The following ANKIB1 variants were observed in gnomAD, a reference collection of about 807,000 sequenced individuals.
ANKIB1 encodes the protein ankyrin repeat and IBR domain-containing protein 1.
In ANKIB1, 43 loss-of-function variants were observed where a neutral mutation model predicts 122.1. That is an observed-to-expected ratio of 0.35 (90% CI 0.28 to 0.45). The LOEUF (loss-of-function observed/expected upper bound fraction) is 0.45. Ranked by LOEUF, ANKIB1 falls within the 20% of genes least tolerant of loss-of-function variation. The probability of loss-of-function intolerance (pLI) is 1.00; values close to 1 mark genes in which losing one functional copy is unlikely to be tolerated. For synonymous variants in ANKIB1, 390 were observed against 442.0 expected (o/e 0.88, Z 1.48); for missense variants, 992 against 1,329.5 (o/e 0.75, Z 3.95).
At chr7:92,390,836 T>A (rs1352900617) in intron 15 of ANKIB1, among the ~76,000 whole-genome samples, 5 of 152,190 alleles carry the variant, frequency 3.3e-5, no homozygotes, top group Non-Finnish European at 7.3e-5. Flanking sequence ...TGTATTAGTT[T>A]TTTTCACATA....
At chr7:92,375,088 A>G (rs1804352090) in intron 11 of ANKIB1, among the ~76,000 whole-genome samples, 1 of 152,154 alleles carries the variant, frequency 6.6e-6, no homozygotes, top group Admixed American at 6.5e-5. Context: ...AGCATAATGC[A>G]TTTTTTAAAG....
Position 92,350,758 on chromosome 7 carries a change from G to A in ANKIB1, c.1086-192G>A, listed in dbSNP as rs373179798. Among the ~76,000 whole-genome samples, 6 of 152,084 alleles carry A rather than the reference G, an allele frequency of 3.9e-5. 1 individual carries two copies. In the South Asian group the frequency reaches 1.0e-3, roughly 26 times the overall value. On this transcript the variant is annotated intron_variant, in intron 7 of 19. Coordinates refer to ENST00000265742, the MANE Select transcript of ANKIB1 (RefSeq NM_019004.2). ...TGTAGGCCTAGCTACTCAGAAGACC[G>A]AGGTGAGAGGATTGCTTCAGCCCAA... is the stretch of plus-strand genomic sequence containing the variant.
chr7:92,291,763 A>G (rs1011397807), intron 1 of ANKIB1, among the ~76,000 whole-genome samples: 19 of 151,870 alleles, frequency 1.3e-4, no homozygotes, highest in African/African-American at 1.9e-4. Context: ...TTTTTAGTAG[A>G]GACGGGGTTT....
At chr7:92,266,388 A>G (rs1801672117) in intron 1 of ANKIB1, among the ~76,000 whole-genome samples, 1 of 152,156 alleles carries the variant, frequency 6.6e-6, no homozygotes, top group Admixed American at 6.5e-5. Flanking sequence ...GAATATGTAT[A>G]TATATGTAGC....
At chr7:92,269,019 CCA>C (rs1801730950) in intron 1 of ANKIB1, among the ~76,000 whole-genome samples, 2 of 152,290 alleles carry the variant, frequency 1.3e-5, no homozygotes, top group South Asian at 4.1e-4. Context: ...TGGCAGTAGG[CCA>C]CAGTGTTTTC....
intron 7 of ANKIB1, among the ~76,000 whole-genome samples, chr7:92,349,436 CTGT>C (rs1002392119): frequency 8.6e-5 from 13 of 152,008 alleles, no homozygotes; most frequent in Non-Finnish European, 1.8e-4. Context: ...GTCGTTGCTG[CTGT>C]TGTTGTTGTT....
chr7:92,291,217 T>G (rs1303189762), intron 1 of ANKIB1, among the ~76,000 whole-genome samples: 3 of 151,782 alleles, frequency 2.0e-5, no homozygotes, highest in African/African-American at 4.8e-5. Flanking sequence ...TCGGTTGAAC[T>G]TGGGAGGCGG....
intron 1 of ANKIB1, among the ~76,000 whole-genome samples, chr7:92,252,599 A>G (rs1183082002): frequency 6.6e-6 from 1 of 151,838 alleles, no homozygotes; most frequent in East Asian, 1.9e-4. Context: ...TTTCTCTCTT[A>G]TGTATTAAAA....
chr7:92,388,135 A>T, intron 14 of ANKIB1, 94 bp downstream of exon 14: 3 of 1,162,654 alleles, frequency 2.6e-6, no homozygotes, highest in Non-Finnish European at 3.7e-6. Context: ...GGAATACATT[A>T]TGTTCATTAG....
chr7:92,318,049 G>A lies in ANKIB1; in HGVS notation c.487-1281G>A, dbSNP rs544039796. 5.9e-5 allele frequency among the ~76,000 whole-genome samples: 9 copies of A among 152,228 alleles called. No homozygotes were observed. The South Asian group carries it at 1.5e-3, about 25-fold the overall frequency. On this transcript the variant is annotated intron_variant, in intron 3 of 19. Transcript: ENST00000265742. Reference sequence around the variant, plus strand: ...CTTGTATCTGAATCCCAGTTCTACTGCTTACTAGCTGGGTAATTTTAGTTA... The same window carrying A: ...CTTGTATCTGAATCCCAGTTCTACTACTTACTAGCTGGGTAATTTTAGTTA...
At chr7:92,308,605 A>G (rs1802616816) in intron 3 of ANKIB1, among the ~76,000 whole-genome samples, 2 of 152,132 alleles carry the variant, frequency 1.3e-5, no homozygotes, top group Non-Finnish European at 2.9e-5. Context: ...ATTTTTCCAT[A>G]TATATTTCAT....
Position 92,246,265 on chromosome 7 carries a change from A to G in ANKIB1, c.-345A>G. ...GGCCGGAGAGGGATGGGGGGCGCCCACCCAGTCTGAGCCTCGCCGCGGGCG... is the reference window on the plus strand; with the variant it reads ...GGCCGGAGAGGGATGGGGGGCGCCCGCCCAGTCTGAGCCTCGCCGCGGGCG... On this transcript the variant is annotated 5_prime_UTR_variant, in exon 1 of 20. Transcript: ENST00000265742. 2.5e-6 allele frequency: 1 copy of G among 393,762 alleles called. No homozygotes were observed. The highest frequency in any genetic ancestry group is 4.9e-6 in the Non-Finnish European group (1 of 204,736). The allele number at this position is 393,762 out of a possible 1,614,324, so 24.4% of individuals were successfully genotyped here.
rs887308221 is a variant in ANKIB1, at chr7:92,328,000, T to C, written c.787+100T>C. On this transcript the variant is annotated intron_variant, in intron 5 of 19. Coordinates refer to ENST00000265742, the MANE Select transcript of ANKIB1 (RefSeq NM_019004.2). ...TTTTGTATTTGAATACAGAACAAAA[T>C]GGTTTGTTAAAAAAGCCTAAGTTGT... 9.3e-6 allele frequency: 7 copies of C among 753,340 alleles called. No homozygotes were observed. The African/African-American group carries it at 1.1e-4, about 12-fold the overall frequency. The allele number at this position is 753,340 out of a possible 1,614,324, so 46.7% of individuals were successfully genotyped here. A position where few individuals can be genotyped will look rare whatever the true frequency, so the allele number is the denominator to read the frequency against.
chr7:92,333,993 A>G (rs1803234579), intron 5 of ANKIB1, among the ~76,000 whole-genome samples: 1 of 152,186 alleles, frequency 6.6e-6, no homozygotes, highest in African/African-American at 2.4e-5. Flanking sequence ...AAAGGTCTTC[A>G]CATAACATGC....
At chr7:92,292,139 A>C (rs1488403709) in intron 1 of ANKIB1, among the ~76,000 whole-genome samples, 1 of 152,228 alleles carries the variant, frequency 6.6e-6, no homozygotes, top group Non-Finnish European at 1.5e-5. Flanking sequence ...GCTAGGGAAA[A>C]GTAAAAGGAT....
rs995349066 is a variant in ANKIB1 at position 92,307,661 on chromosome 7, A to T, written c.486+5A>T. On this transcript the variant is annotated splice_donor_5th_base_variant and intron_variant, in intron 3 of 19. Coordinates refer to ENST00000265742, the MANE Select transcript of ANKIB1 (RefSeq NM_019004.2). ...GGGATGAAAGCCTGTGTAGAGGTAAATTTTTTTTTTTTTTAATATTCTGCA... is the reference window on the plus strand; with the variant it reads ...GGGATGAAAGCCTGTGTAGAGGTAATTTTTTTTTTTTTTTAATATTCTGCA... The T allele has an allele frequency of 5.0e-5, 60 of 1,190,754 alleles. No homozygotes were observed. The highest frequency in any genetic ancestry group is 2.2e-4 in the Admixed American group (7 of 31,944). 73.8% of individuals were successfully genotyped at this position (1,190,754 alleles called of 1,614,324 possible). A position where few individuals can be genotyped will look rare whatever the true frequency, so the allele number is the denominator to read the frequency against.
At chr7:92,275,545 C>T (rs73407599) in intron 1 of ANKIB1, among the ~76,000 whole-genome samples, 6,612 of 152,010 alleles carry the variant, frequency 0.043, 425 homozygotes, top group African/African-American at 0.15. Flanking sequence ...ATGTGAGGGA[C>T]GGTCCTACAC....
intron 3 of ANKIB1, among the ~76,000 whole-genome samples, chr7:92,318,114 T>A (rs1802830902): frequency 6.6e-6 from 1 of 152,208 alleles, no homozygotes; most frequent in Non-Finnish European, 1.5e-5. Flanking sequence ...ATAATACCCC[T>A]GTTTTATGGG....
At chr7:92,339,041 T>A (rs1466858906) in intron 5 of ANKIB1, among the ~76,000 whole-genome samples, 2 of 86,150 alleles carry the variant, frequency 2.3e-5, no homozygotes, top group African/African-American at 1.2e-4. Context: ...TTGAATTTTC[T>A]TTTTTTTTTT....
Sources: gnomAD v4.1 joint callset for allele counts (sites outside exome capture counted in the v4.1 genomes callset) on GRCh38, gnomAD v4.1.1 for gene constraint, MANE v1.5 for transcripts, NCBI Gene and HGNC (gene_info 2026-07-23, HGNC 2026-07-21) for gene names.